The following PDE8B variants were observed in gnomAD, a reference collection of about 807,000 sequenced individuals.
PDE8B encodes the protein phosphodiesterase 8B, also known as high affinity cAMP-specific and IBMX-insensitive 3',5'-cyclic phosphodiesterase 8B.
A neutral mutation model predicts 101.3 loss-of-function variants in PDE8B; 26 were observed. That is an observed-to-expected ratio of 0.26 (90% CI 0.19 to 0.36). The LOEUF is 0.36. PDE8B is among the 10% of genes least tolerant of loss of function. The pLI is 1.00. For synonymous variants in PDE8B, 424 were observed against 429.3 expected (o/e 0.99, Z 0.15); for missense variants, 810 against 1,163.1 (o/e 0.70, Z 4.42).
chr5:77,344,093 G>A (rs1581153828), intron 6 of PDE8B, among the ~76,000 whole-genome samples: 1 of 152,192 alleles, frequency 6.6e-6, no homozygotes, highest in African/African-American at 2.4e-5. Context: ...CCTGCCTGAG[G>A]CTGCTTTACA....
At chr5:77,383,597 G>C (rs1248402910) in intron 10 of PDE8B, among the ~76,000 whole-genome samples, 1 of 152,072 alleles carries the variant, frequency 6.6e-6, no homozygotes, top group Non-Finnish European at 1.5e-5. Flanking sequence ...TTTCTTCCAG[G>C]GTTTTTATGC....
the PDE8B span, among the ~76,000 whole-genome samples, chr5:77,099,628 G>A: frequency 1.4e-5 from 2 of 144,774 alleles, no homozygotes; most frequent in Admixed American, 6.9e-5. Flanking sequence ...TTTTTTCTTT[G>A]TGAGACGGAG....
chr5:77,112,408 CA>C, the PDE8B span: 1 of 152,146 alleles, frequency 6.6e-6, no homozygotes, highest in African/African-American at 2.4e-5. Context: ...ATCATTTTTA[CA>C]AACACATTGC....
the PDE8B span, among the ~76,000 whole-genome samples, chr5:77,194,522 C>A: frequency 4.5e-3 from 689 of 152,244 alleles, 2 homozygotes; most frequent in African/African-American, 0.016. Flanking sequence ...GTGCAACCAT[C>A]ACCCCTATCA....
At chr5:77,316,126 A>T (rs1773719036) in intron 2 of PDE8B, among the ~76,000 whole-genome samples, 1 of 150,590 alleles carries the variant, frequency 6.6e-6, no homozygotes, top group African/African-American at 2.4e-5. Context: ...TTCCTTTTTT[A>T]TTGTTTCTTG....
intron 1 of PDE8B, among the ~76,000 whole-genome samples, chr5:77,271,873 A>T (rs542712456): frequency 6.6e-6 from 1 of 152,216 alleles, no homozygotes; most frequent in Non-Finnish European, 1.5e-5. Flanking sequence ...TTCAGGTGGT[A>T]CATGTTGGGG....
the PDE8B span, among the ~76,000 whole-genome samples, chr5:77,162,537 T>C: frequency 6.6e-6 from 1 of 152,134 alleles, no homozygotes; most frequent in Admixed American, 6.5e-5. Flanking sequence ...AAAGCTACAG[T>C]AATTAAATAA....
rs191973694 is a variant in PDE8B at position 77,397,021 on chromosome 5, A to G, written c.1168-3227A>G. ...TTGAGTTGGTTTCTATATTTCCGAT[A>G]AGAAATTTTTTTTTTTTTTTTTTTT... On this transcript the variant is annotated intron_variant, in intron 10 of 21. Transcript: ENST00000264917. Among the ~76,000 whole-genome samples the G allele has an allele frequency of 7.1e-4, 85 of 119,822 alleles. 1 individual carries two copies. In the East Asian group the frequency reaches 0.021, roughly 30 times the overall value. The allele number at this position is 119,822 out of a possible 152,430, so 78.6% of individuals were successfully genotyped here. A position where few individuals can be genotyped will look rare whatever the true frequency, so the allele number is the denominator to read the frequency against.
At chr5:77,313,293 A>AG (rs1773088691) in intron 2 of PDE8B, among the ~76,000 whole-genome samples, 1 of 145,936 alleles carries the variant, frequency 6.9e-6, no homozygotes, top group Non-Finnish European at 1.5e-5. Flanking sequence ...AAATCTAGGA[A>AG]AGGAAAAAAA....
chr5:77,379,349 G>A (rs1194698933), intron 10 of PDE8B, among the ~76,000 whole-genome samples: 1 of 152,146 alleles, frequency 6.6e-6, no homozygotes, highest in Non-Finnish European at 1.5e-5. Flanking sequence ...TTAATCTTGT[G>A]TAATCCTAGA....
chr5:77,188,884 T>C, the PDE8B span, among the ~76,000 whole-genome samples: 2 of 152,310 alleles, frequency 1.3e-5, no homozygotes, highest in East Asian at 3.9e-4. Context: ...TGAGTAAGTC[T>C]GAGGGTAAAG....
intron 10 of PDE8B, among the ~76,000 whole-genome samples, chr5:77,385,614 G>C (rs1029384115): frequency 7.9e-5 from 12 of 151,836 alleles, no homozygotes; most frequent in African/African-American, 2.9e-4. Flanking sequence ...GCATTTAGTG[G>C]TATAAATTTC....
At chr5:77,389,032 C>G (rs1025695858) in intron 10 of PDE8B, among the ~76,000 whole-genome samples, 1 of 152,136 alleles carries the variant, frequency 6.6e-6, no homozygotes, top group Non-Finnish European at 1.5e-5. Context: ...ACCCGCTGAG[C>G]CAGACCACTT....
intron 1 of PDE8B, among the ~76,000 whole-genome samples, chr5:77,264,717 G>T (rs2149725763): frequency 6.6e-6 from 1 of 152,156 alleles, no homozygotes; most frequent in South Asian, 2.1e-4. Context: ...CTGTTTCAAA[G>T]GATCAAGCAC....
chr5:77,327,890 G>T (rs536786539), intron 3 of PDE8B, among the ~76,000 whole-genome samples: 1 of 152,296 alleles, frequency 6.6e-6, no homozygotes, highest in South Asian at 2.1e-4. Context: ...CAGTGTGAGG[G>T]CTCAAGGAAC....
the PDE8B span, among the ~76,000 whole-genome samples, chr5:77,133,300 T>C: frequency 6.6e-6 from 1 of 152,136 alleles, no homozygotes; most frequent in African/African-American, 2.4e-5. Context: ...CAAACCCTCC[T>C]GGCCAAGCTC....
the PDE8B span, chr5:77,087,906 A>G: frequency 6.5e-6 from 1 of 152,700 alleles, no homozygotes; most frequent in Non-Finnish European, 1.5e-5. Context: ...CTGGAAATTT[A>G]ACAATTAGCT....
At chr5:77,401,481 T>C (rs1792265624) in intron 11 of PDE8B, among the ~76,000 whole-genome samples, 1 of 152,242 alleles carries the variant, frequency 6.6e-6, no homozygotes, top group Non-Finnish European at 1.5e-5. Flanking sequence ...AAGTACAGTT[T>C]CCACCATTTA....
At chr5:77,183,989 A>T in the PDE8B span, among the ~76,000 whole-genome samples, 1 of 151,552 alleles carries the variant, frequency 6.6e-6, no homozygotes, top group East Asian at 1.9e-4. Flanking sequence ...TTAAAAAAAA[A>T]CAGAATCTCC....
Sources: gnomAD v4.1 joint callset for allele counts (sites outside exome capture counted in the v4.1 genomes callset) on GRCh38, gnomAD v4.1.1 for gene constraint, MANE v1.5 for transcripts, NCBI Gene and HGNC (gene_info 2026-07-23, HGNC 2026-07-21) for gene names.